PLPPR4: variants seen among roughly 807,000 people sequenced by gnomAD.
PLPPR4 encodes phospholipid phosphatase-related protein type 4.
A neutral mutation model predicts 56.6 loss-of-function variants in PLPPR4; 24 were observed. The ratio of observed to expected loss-of-function variants is 0.42; its 90% CI spans 0.31 to 0.60. The LOEUF is 0.60. Among genes scored for constraint, PLPPR4 ranks in the 20% least tolerant of loss-of-function variants. PLPPR4 has a pLI of 0.13. For synonymous variants in PLPPR4, 326 were observed against 328.1 expected, an observed-to-expected ratio of 0.99 and a Z score of 0.07; for missense variants, 654 against 885.8, an observed-to-expected ratio of 0.74 and a Z score of 3.32.
intron 1 of PLPPR4, among the ~76,000 whole-genome samples, chr1:99,269,927 T>G (rs554347622): frequency 1.9e-4 from 29 of 152,118 alleles, no homozygotes; most frequent in Admixed American, 1.6e-3. Context: ...AATTACAGTA[T>G]CTGAAGCATT....
At chr1:99,282,697 C>A (rs796630816) in intron 1 of PLPPR4, among the ~76,000 whole-genome samples, 19 of 152,038 alleles carry the variant, frequency 1.2e-4, no homozygotes, top group African/African-American at 4.3e-4. Context: ...GACGTCGGGT[C>A]TCTGCAACGT....
At chr1:99,289,558 A>T (rs758452989) in intron 2 of PLPPR4, among the ~76,000 whole-genome samples, 4 of 152,078 alleles carry the variant, frequency 2.6e-5, no homozygotes, top group Non-Finnish European at 4.4e-5. Flanking sequence ...TGAGACTTTG[A>T]GACTAATAAA....
chr1:99,270,828 A>G (rs773824234), intron 1 of PLPPR4, among the ~76,000 whole-genome samples: 1 of 152,200 alleles, frequency 6.6e-6, no homozygotes, highest in Non-Finnish European at 1.5e-5. Context: ...TTAAAGAAGT[A>G]CTTCAAACCC....
intron 1 of PLPPR4, among the ~76,000 whole-genome samples, chr1:99,280,530 T>G (rs547174679): frequency 6.6e-6 from 1 of 152,256 alleles, no homozygotes; most frequent in East Asian, 1.9e-4. Flanking sequence ...ATTGCAAAGG[T>G]TTCACTCTTG....
chr1:99,268,473 G>C (rs1269649300), intron 1 of PLPPR4, among the ~76,000 whole-genome samples: 1 of 152,228 alleles, frequency 6.6e-6, no homozygotes, highest in African/African-American at 2.4e-5. Context: ...CTAAAACCAA[G>C]TAATCTTGTC....
intron 6 of PLPPR4, among the ~76,000 whole-genome samples, chr1:99,303,114 CTGTTGT>C (rs145380521): frequency 1.3e-4 from 20 of 151,962 alleles, no homozygotes; most frequent in African/African-American, 4.1e-4. Context: ...ATGTGTGTAG[CTGTTGT>C]TGTTGTTGTT....
intron 4 of PLPPR4, 94 bp downstream of exon 4, chr1:99,299,324 A>C: frequency 1.1e-6 from 1 of 885,928 alleles, no homozygotes; most frequent in Non-Finnish European, 1.8e-6. Flanking sequence ...TTCAGTCATA[A>C]TGATTTTGTT....
At chr1:99,304,813 G>T (rs901608465) in intron 6 of PLPPR4, among the ~76,000 whole-genome samples, 8 of 152,102 alleles carry the variant, frequency 5.3e-5, no homozygotes, top group African/African-American at 1.9e-4. Context: ...GGTGTCTGCT[G>T]CTTGATTTTT....
At position 99,307,962 on chromosome 1, in the gene PLPPR4, C is replaced by T. The variant is rs1660078307; in HGVS notation, c.*952C>T. ...TTTTAAAAGCAAAAATAACAATTGA[C>T]ATTCCTTGAGCAAAATATACTGCTG... On this transcript the variant is annotated 3_prime_UTR_variant, in exon 7 of 7. Transcript: ENST00000370185. 1 of 152,140 alleles carries T rather than the reference C, an allele frequency of 6.6e-6. No individual in the cohort carries two copies. The highest frequency in any genetic ancestry group is 1.5e-5 in the Non-Finnish European group (1 of 68,026). The allele number at this position is 152,140 out of a possible 1,614,324, so 9.4% of individuals were successfully genotyped here. A position where few individuals can be genotyped will look rare whatever the true frequency, so the allele number is the denominator to read the frequency against.
chr1:99,263,927 T>C (rs1319226074), upstream of PLPPR4: 1 of 152,464 alleles, frequency 6.6e-6, no homozygotes, highest in Non-Finnish European at 1.5e-5. Context: ...AGATAAGGAG[T>C]CTCCTAGGCA....
chr1:99,269,853 T>C (rs1659004672), intron 1 of PLPPR4, among the ~76,000 whole-genome samples: 1 of 152,240 alleles, frequency 6.6e-6, no homozygotes, highest in Non-Finnish European at 1.5e-5. Flanking sequence ...CACACACTTC[T>C]GTGCATAGGT....
At chr1:99,281,850 A>G (rs1659336172) in intron 1 of PLPPR4, among the ~76,000 whole-genome samples, 2 of 152,134 alleles carry the variant, frequency 1.3e-5, no homozygotes, top group African/African-American at 4.8e-5. Context: ...TGTGTTATTA[A>G]TATTAAAATC....
intron 1 of PLPPR4, among the ~76,000 whole-genome samples, chr1:99,274,411 C>G (rs958952152): frequency 6.6e-6 from 1 of 152,052 alleles, no homozygotes; most frequent in Non-Finnish European, 1.5e-5. Flanking sequence ...TACCAACACC[C>G]CCTCTCCCAT....
intron 6 of PLPPR4, among the ~76,000 whole-genome samples, chr1:99,302,983 A>C (rs1315458424): frequency 6.6e-6 from 1 of 152,112 alleles, no homozygotes; most frequent in Non-Finnish European, 1.5e-5. Context: ...TACAATGTAA[A>C]GACTAACATA....
intron 1 of PLPPR4, among the ~76,000 whole-genome samples, chr1:99,276,651 A>G (rs1248950777): frequency 6.6e-6 from 1 of 152,162 alleles, no homozygotes; most frequent in Non-Finnish European, 1.5e-5. Context: ...CACAAAAAAT[A>G]TAAACTTTAT....
At position 99,305,991 on chromosome 1, in the gene PLPPR4, G is replaced by A. The variant is rs572132448; in HGVS notation, c.1129G>A (p.Val377Ile). 6.2e-7 allele frequency: 1 copy of A among 1,614,196 alleles called. No individual in the cohort carries two copies. Among genetic ancestry groups the A allele is most frequent in the East Asian group, 2.2e-5 (1 of 44,884 alleles). ...CTTGCCGCGAGCCAATACCCCATCT[G>A]TAGAAGACCCTGTCAGAAGAAATGC... ...NTLPRANTPS[V>I]EDPVRRNASI... is the part of the protein sequence containing the mutation. Residue 377 changes from valine (V) to isoleucine (I), a missense_variant, in exon 7 of 7, where the codon GTA (valine) becomes ATA (isoleucine). Physicochemically the swap from Val to Ile is conservative, Grantham distance 29 (BLOSUM62 3). Transcript: ENST00000370185.
At chr1:99,292,494 A>G (rs1420784371) in intron 2 of PLPPR4, among the ~76,000 whole-genome samples, 1 of 152,196 alleles carries the variant, frequency 6.6e-6, no homozygotes, top group South Asian at 2.1e-4. Flanking sequence ...CCTTCCAGAA[A>G]GGTGCCACTC....
intron 1 of PLPPR4, among the ~76,000 whole-genome samples, chr1:99,272,180 A>C (rs1256777608): frequency 3.3e-5 from 5 of 152,204 alleles, no homozygotes; most frequent in Non-Finnish European, 5.9e-5. Flanking sequence ...AGAGTTTAAA[A>C]GTCTTATTAC....
intron 2 of PLPPR4, among the ~76,000 whole-genome samples, chr1:99,291,615 C>T (rs1264940281): frequency 4.6e-5 from 7 of 152,158 alleles, no homozygotes; most frequent in Non-Finnish European, 8.8e-5. Flanking sequence ...GAAATCATGT[C>T]GTTTGCAGGG....
Sources: allele counts gnomAD v4.1 joint callset (sites outside exome capture counted in the v4.1 genomes callset), GRCh38; gene constraint gnomAD v4.1.1; transcripts MANE v1.5; gene names NCBI Gene and HGNC (gene_info 2026-07-23, HGNC 2026-07-21).